ZNF565: variants seen among roughly 807,000 people sequenced by gnomAD.
The protein encoded by ZNF565 is zinc finger protein 565.
A neutral mutation model predicts 39.4 loss-of-function variants in ZNF565; 27 were observed. The observed-to-expected ratio is 0.69, with a 90% CI of 0.51 to 0.95. The LOEUF (loss-of-function observed/expected upper bound fraction) is 0.95. Among genes scored for constraint, ZNF565 ranks in the 40% least tolerant of loss-of-function variants. The pLI, the probability that ZNF565 is intolerant of heterozygous loss-of-function variation, is 0.00. For synonymous variants in ZNF565, 185 were observed against 216.6 expected, an observed-to-expected ratio of 0.85 and a Z score of 1.28; for missense variants, 524 against 621.1, an observed-to-expected ratio of 0.84 and a Z score of 1.66.
Position 36,182,677 on chromosome 19 carries a change from C to G in ZNF565, c.1289G>C (p.Arg430Pro), listed in dbSNP as rs375467058. 1 of 1,614,000 alleles carries G rather than the reference C, an allele frequency of 6.2e-7. No homozygotes were observed. Among genetic ancestry groups the G allele is most frequent in the Non-Finnish European group, 8.5e-7 (1 of 1,180,012 alleles). Residue 430 changes from arginine to proline, a missense_variant, in exon 5 of 5, where the codon CGT becomes CCT. Arg to Pro is a moderately radical substitution (Grantham distance 103). Transcript: ENST00000304116. ...CTGATGATGAGTCAGTTGTGAAACA[C>G]GAATAAAGGCCTTCCCACATTCCTT... ...ECKECGKAFI[R>P]VSQLTHHQRI...
At chr19:36,236,821 C>G (rs750554314) in intron 1 of ZNF565, 1 of 1,613,960 alleles carries the variant, frequency 6.2e-7, no homozygotes, top group African/African-American at 1.3e-5. Context: ...GAGAGAAGCC[C>G]TTTGTATGTA....
At chr19:36,216,767 T>C (rs1976625071), upstream of ZNF565, among the ~76,000 whole-genome samples, 4 of 152,030 alleles carry the variant, frequency 2.6e-5, no homozygotes, top group South Asian at 6.2e-4. Flanking sequence ...CAAGAGCCAG[T>C]ACAGACTGAG....
At chr19:36,225,760 T>C (rs1977040146) in intron 1 of ZNF565, among the ~76,000 whole-genome samples, 1 of 143,084 alleles carries the variant, frequency 7.0e-6, no homozygotes, top group South Asian at 2.3e-4. Flanking sequence ...TTCTTTTTTT[T>C]TTTTTTTTTT....
At chr19:36,216,122 A>T, upstream of ZNF565, among the ~76,000 whole-genome samples, 1 of 152,222 alleles carries the variant, frequency 6.6e-6, no homozygotes, top group East Asian at 1.9e-4. Flanking sequence ...AATATCTATA[A>T]ATAAATAGCC....
chr19:36,220,855 CT>C (rs61343359), intron 1 of ZNF565, among the ~76,000 whole-genome samples: 53,399 of 142,076 alleles, frequency 0.38, 9,435 homozygotes, highest in South Asian at 0.48. Flanking sequence ...TAAAATGCAT[CT>C]TTTTTTTTTT....
At chr19:36,222,778 CTTT>C (rs55668684) in intron 1 of ZNF565, among the ~76,000 whole-genome samples, 52,855 of 99,748 alleles carry the variant, frequency 0.53, 11,267 homozygotes, top group East Asian at 0.57. Context: ...TGAGTGGTGG[CTTT>C]TTTTTTTTTT....
At chr19:36,205,090 C>G (rs76987569) in intron 1 of ZNF565, among the ~76,000 whole-genome samples, 2 of 152,138 alleles carry the variant, frequency 1.3e-5, no homozygotes, top group African/African-American at 4.8e-5. Flanking sequence ...GCCACAGTGT[C>G]TGGAGGACAT....
chr19:36,235,220 A>AT (rs56213724), intron 1 of ZNF565, among the ~76,000 whole-genome samples: 1 of 143,706 alleles, frequency 7.0e-6, no homozygotes, highest in Non-Finnish European at 1.5e-5. Flanking sequence ...AAAAAAAAAA[A>AT]GAAGAAAGAA....
chr19:36,201,895 A>G, intron 2 of ZNF565, 82 bp downstream of exon 2: 1 of 1,509,420 alleles, frequency 6.6e-7, no homozygotes, highest in Middle Eastern at 1.7e-4. Context: ...GATACAGGGA[A>G]GTTCCAGGAT....
In ZNF565 at chr19:36,194,923, A is replaced by T. The variant is rs764091098; in HGVS notation, c.136+107T>A. 1.1e-5 allele frequency: 17 copies of T among 1,549,972 alleles called. No homozygotes were observed. In the African/African-American group the frequency reaches 1.9e-4, roughly 17 times the overall value. On this transcript the variant is annotated intron_variant, in intron 3 of 4. Coordinates refer to ENST00000304116, the MANE Select transcript of ZNF565 (RefSeq NM_152477.5). ...GCTGTAGTTTGTAGCGTCTCCTGTG[A>T]CAGTTTCCTCTCCTCACCCATTTAG...
At chr19:36,235,187 T>G (rs1025500170) in intron 1 of ZNF565, among the ~76,000 whole-genome samples, 1 of 148,976 alleles carries the variant, frequency 6.7e-6, no homozygotes, top group Non-Finnish European at 1.5e-5. Context: ...CCAGCCTGGA[T>G]AACGAGCGAA....
At chr19:36,208,588 T>A (rs1287451835) in intron 1 of ZNF565, among the ~76,000 whole-genome samples, 5 of 152,054 alleles carry the variant, frequency 3.3e-5, no homozygotes, top group Non-Finnish European at 7.4e-5. Context: ...AGTTGAGCTA[T>A]CTCTACACCA....
chr19:36,198,128 T>TA (rs1008692501), intron 2 of ZNF565, among the ~76,000 whole-genome samples: 23 of 143,922 alleles, frequency 1.6e-4, no homozygotes, highest in South Asian at 2.2e-4. Context: ...AAATTCCGTT[T>TA]AAAAAAAAAA....
chr19:36,227,660 T>A (rs989345166), intron 1 of ZNF565, among the ~76,000 whole-genome samples: 2 of 152,096 alleles, frequency 1.3e-5, no homozygotes, highest in Non-Finnish European at 2.9e-5. Flanking sequence ...GCTCAAGTCA[T>A]CCTCCCACCT....
At position 36,202,010 on chromosome 19, in the gene ZNF565, T is replaced by C; in HGVS notation, c.-25A>G. 1 of 1,614,106 alleles carries C rather than the reference T, an allele frequency of 6.2e-7. No individual in the cohort carries two copies. Among genetic ancestry groups the C allele is most frequent in the South Asian group, 1.1e-5 (1 of 91,078 alleles). On this transcript the variant is annotated 5_prime_UTR_variant, in exon 2 of 5. Coordinates refer to ENST00000304116, the MANE Select transcript of ZNF565 (RefSeq NM_152477.5). ...TGGCTTTTAGAACTATTTGACCTGC[T>C]CTGATTTCTCTGGATTCTTCTCTTG...
upstream of ZNF565, chr19:36,214,947 CAG>C (rs1483022496): frequency 6.5e-6 from 1 of 152,736 alleles, no homozygotes; most frequent in Non-Finnish European, 1.5e-5. Flanking sequence ...GGGGAGGAGA[CAG>C]AGAGTCGACC....
At chr19:36,219,600 T>C (rs1976751962), upstream of ZNF565, among the ~76,000 whole-genome samples, 1 of 152,196 alleles carries the variant, frequency 6.6e-6, no homozygotes, top group South Asian at 2.1e-4. Context: ...AGGAGAGATA[T>C]ACCAGATGGC....
chr19:36,221,265 T>C (rs943275638), intron 1 of ZNF565, among the ~76,000 whole-genome samples: 1 of 151,998 alleles, frequency 6.6e-6, no homozygotes, highest in African/African-American at 2.4e-5. Flanking sequence ...TCATTTGTTG[T>C]TTTCAGGTTA....
intron 1 of ZNF565, chr19:36,237,277 G>C: frequency 6.2e-7 from 1 of 1,613,836 alleles, no homozygotes; most frequent in Non-Finnish European, 8.5e-7. Context: ...CTTTCAGCCA[G>C]AAGTCACACC....
Sources: gnomAD v4.1 joint callset for allele counts (sites outside exome capture counted in the v4.1 genomes callset) on GRCh38, gnomAD v4.1.1 for gene constraint, MANE v1.5 for transcripts, NCBI Gene and HGNC (gene_info 2026-07-23, HGNC 2026-07-21) for gene names.